TBC1D32: variants seen among roughly 807,000 people sequenced by gnomAD.
TBC1D32 encodes the protein protein broad-minded.
In TBC1D32, 151 loss-of-function variants were observed where a neutral mutation model predicts 170.3. That is an observed-to-expected ratio of 0.89 (90% CI 0.78 to 1.01). The LOEUF is 1.01. Ranked by LOEUF, TBC1D32 falls within the 50% of genes least tolerant of loss-of-function variation. The pLI, the probability that TBC1D32 is intolerant of heterozygous loss-of-function variation, is 0.00. For synonymous variants in TBC1D32, 498 were observed against 488.0 expected (o/e 1.02, Z -0.27); for missense variants, 1,464 against 1,457.1 (o/e 1.00, Z -0.08).
At chr6:121,294,472 T>C (rs1212731757) in intron 11 of TBC1D32, 98 bp downstream of exon 11, 3 of 810,430 alleles carry the variant, frequency 3.7e-6, no homozygotes, top group South Asian at 1.8e-5. Flanking sequence ...TAATTTACCA[T>C]ACTAACAATC....
At chr6:121,217,834 A>G (rs1794023960) in intron 21 of TBC1D32, among the ~76,000 whole-genome samples, 1 of 152,172 alleles carries the variant, frequency 6.6e-6, no homozygotes, top group South Asian at 2.1e-4. Context: ...AGAAAACAAG[A>G]TCAAGGTGTT....
At chr6:121,115,747 T>C (rs1191151066) in intron 26 of TBC1D32, 3 of 152,296 alleles carry the variant, frequency 2.0e-5, no homozygotes, top group Non-Finnish European at 2.9e-5. Context: ...GTTGTAATCA[T>C]CTAACCAAAA....
intron 24 of TBC1D32, among the ~76,000 whole-genome samples, chr6:121,143,962 A>G (rs1783119550): frequency 6.6e-6 from 1 of 152,152 alleles, no homozygotes; most frequent in South Asian, 2.1e-4. Context: ...ATGAGATATT[A>G]TGAATTGACT....
chr6:121,272,928 CAT>C (rs1801678777), intron 15 of TBC1D32, among the ~76,000 whole-genome samples: 2 of 152,068 alleles, frequency 1.3e-5, no homozygotes, highest in African/African-American at 4.8e-5. Flanking sequence ...ACTACGCAGC[CAT>C]AAAAACGGAT....
At chr6:121,137,653 G>A (rs192792205) in intron 24 of TBC1D32, among the ~76,000 whole-genome samples, 5 of 151,634 alleles carry the variant, frequency 3.3e-5, no homozygotes, top group Admixed American at 2.0e-4. Context: ...TTATATTTGG[G>A]GATATTATAT....
At chr6:121,299,958 G>C (rs1030685735) in intron 9 of TBC1D32, among the ~76,000 whole-genome samples, 1 of 152,110 alleles carries the variant, frequency 6.6e-6, no homozygotes, top group Admixed American at 6.6e-5. Flanking sequence ...ATCATTTTCT[G>C]CCAACCATAT....
chr6:121,190,718 T>C (rs1583150291), intron 22 of TBC1D32, among the ~76,000 whole-genome samples: 1 of 152,122 alleles, frequency 6.6e-6, no homozygotes, highest in Non-Finnish European at 1.5e-5. Flanking sequence ...TTAATTACTA[T>C]AAACTTTTTA....
chr6:121,102,288 C>T (rs1778198916), intron 30 of TBC1D32, among the ~76,000 whole-genome samples: 1 of 152,102 alleles, frequency 6.6e-6, no homozygotes, highest in Non-Finnish European at 1.5e-5. Flanking sequence ...CAAGACAATC[C>T]TAAGCCAAAA....
intron 30 of TBC1D32, among the ~76,000 whole-genome samples, chr6:121,103,113 G>A (rs963153660): frequency 9.9e-5 from 15 of 152,082 alleles, no homozygotes; most frequent in African/African-American, 3.4e-4. Flanking sequence ...TGGAGAAATA[G>A]GAACACTTTT....
At chr6:121,312,401 C>CT (rs1808347921) in intron 3 of TBC1D32, among the ~76,000 whole-genome samples, 1 of 152,076 alleles carries the variant, frequency 6.6e-6, no homozygotes, top group Non-Finnish European at 1.5e-5. Context: ...TCTATTAATT[C>CT]TTTTTTTAAG....
intron 2 of TBC1D32, among the ~76,000 whole-genome samples, chr6:121,321,428 C>T (rs1809684982): frequency 1.3e-5 from 2 of 152,000 alleles, no homozygotes; most frequent in African/African-American, 2.4e-5. Flanking sequence ...TCGTTGACTA[C>T]AAAAAGAATT....
chr6:121,133,082 G>C (rs1781616400), intron 24 of TBC1D32, among the ~76,000 whole-genome samples: 1 of 151,892 alleles, frequency 6.6e-6, no homozygotes, highest in South Asian at 2.1e-4. Flanking sequence ...AGGCTTAATT[G>C]TTTCTGCTCT....
chr6:121,284,893 A>G (rs1803558698), intron 12 of TBC1D32, among the ~76,000 whole-genome samples: 1 of 152,182 alleles, frequency 6.6e-6, no homozygotes, highest in Non-Finnish European at 1.5e-5. Flanking sequence ...TTAAAAGTCA[A>G]TTACCTACTG....
At chr6:121,191,385 T>A (rs9387926) in intron 22 of TBC1D32, among the ~76,000 whole-genome samples, 103,503 of 152,048 alleles carry the variant, frequency 0.68, 40,614 homozygotes, top group Non-Finnish European at 0.87. Context: ...CACCCTCAAA[T>A]CTGAAGCTTT....
intron 21 of TBC1D32, among the ~76,000 whole-genome samples, chr6:121,208,157 T>C (rs531453460): frequency 1.3e-5 from 2 of 150,966 alleles, no homozygotes; most frequent in African/African-American, 4.9e-5. Context: ...AACCTGTAAA[T>C]GTCACCCTAT....
chr6:121,161,184 C>A (rs1390187946), intron 22 of TBC1D32, 128 bp from the exon 23 acceptor site: 3 of 710,970 alleles, frequency 4.2e-6, no homozygotes, highest in East Asian at 2.8e-5. Flanking sequence ...TTCTTTACTG[C>A]ATTTAGCATT....
rs1415217291 is a variant in TBC1D32, at chr6:121,303,635, C to G, written c.1062G>C (p.Val354=). 2 of 1,568,740 alleles carry G rather than the reference C, an allele frequency of 1.3e-6. No individual in the cohort carries two copies. Among genetic ancestry groups the G allele is most frequent in the South Asian group, 2.4e-5 (2 of 83,238 alleles). The change falls in exon 9 of 32, where the codon GTG becomes GTC. Residue 354 remains valine (V), a synonymous_variant. Coordinates refer to ENST00000398212, the MANE Select transcript of TBC1D32 (RefSeq NM_152730.6). ...YFFALVDTKA[V]WFKKWMHAHY... is the part of the protein sequence containing the mutation. ...TCCTTACCATCCACTTTTTGAACCA[C>G]ACAGCCTTGGTATCAACTAATGCAA...
intron 22 of TBC1D32, among the ~76,000 whole-genome samples, chr6:121,162,466 G>T (rs1343665610): frequency 6.6e-6 from 1 of 152,140 alleles, no homozygotes; most frequent in Non-Finnish European, 1.5e-5. Flanking sequence ...AGCAAAAGCT[G>T]TGAGCATTAG....
chr6:121,146,557 AT>A (rs934804250), intron 24 of TBC1D32, among the ~76,000 whole-genome samples: 1 of 152,136 alleles, frequency 6.6e-6, no homozygotes, highest in African/African-American at 2.4e-5. Flanking sequence ...GAAGAGAGAA[AT>A]TTTGAAAACA....
Sources: allele counts gnomAD v4.1 joint callset (sites outside exome capture counted in the v4.1 genomes callset), GRCh38; gene constraint gnomAD v4.1.1; transcripts MANE v1.5; gene names NCBI Gene and HGNC (gene_info 2026-07-23, HGNC 2026-07-21).